Variants in GPHN observed in about 807,000 individuals in gnomAD.
GPHN encodes gephyrin.
In GPHN, 17 loss-of-function variants were observed where a neutral mutation model predicts 95.5. That is an observed-to-expected ratio of 0.18 (90% CI 0.12 to 0.27). The LOEUF (loss-of-function observed/expected upper bound fraction) is 0.27, where lower values mean the gene tolerates loss of function less well. GPHN is among the 10% of genes least tolerant of loss of function. GPHN has a pLI of 1.00. For synonymous variants in GPHN, 320 were observed against 322.5 expected (o/e 0.99, Z 0.08); for missense variants, 660 against 978.1 (o/e 0.67, Z 4.34).
the GPHN span, chr14:67,645,585 T>G: frequency 6.4e-7 from 1 of 1,568,230 alleles, no homozygotes; most frequent in Non-Finnish European, 8.7e-7. Flanking sequence ...TGAGGACGTT[T>G]GTTATCGGTC....
At chr14:67,682,730 A>C in the GPHN span, among the ~76,000 whole-genome samples, 1 of 152,220 alleles carries the variant, frequency 6.6e-6, no homozygotes, top group African/African-American at 2.4e-5. Flanking sequence ...TATAACCCAG[A>C]AATTCCACTT....
At chr14:66,617,622 G>A (rs953987293) in intron 1 of GPHN, among the ~76,000 whole-genome samples, 5 of 152,098 alleles carry the variant, frequency 3.3e-5, no homozygotes, top group Non-Finnish European at 2.9e-5. Context: ...TTCAATGGGA[G>A]CCTCCGAACA....
intron 4 of GPHN, among the ~76,000 whole-genome samples, chr14:66,830,622 T>C (rs2061548099): frequency 6.6e-6 from 1 of 151,868 alleles, no homozygotes; most frequent in Non-Finnish European, 1.5e-5. Context: ...TTTAAAAGAG[T>C]TCTTATAACT....
At chr14:67,691,162 C>T in the GPHN span, 1 of 1,613,480 alleles carries the variant, frequency 6.2e-7, no homozygotes, top group Non-Finnish European at 8.5e-7. Flanking sequence ...CTCCTATGTG[C>T]ATCTCAAAGC....
chr14:67,246,326 G>A, the GPHN span, among the ~76,000 whole-genome samples: 1 of 151,322 alleles, frequency 6.6e-6, no homozygotes, highest in South Asian at 2.1e-4. Flanking sequence ...TAAGGTCTTG[G>A]CTATGTTGCC....
At chr14:67,725,060 G>C in the GPHN span, 2 of 1,611,868 alleles carry the variant, frequency 1.2e-6, no homozygotes, top group African/African-American at 1.3e-5. Context: ...TTATAGCCTA[G>C]GATATGAACA....
At chr14:67,439,573 CTTTCTTTCTTTCTT>C in the GPHN span, among the ~76,000 whole-genome samples, 3 of 141,402 alleles carry the variant, frequency 2.1e-5, no homozygotes, top group Non-Finnish European at 4.5e-5. Context: ...TTCTTTCTTT[CTTTCTTTCTTTCTT>C]TCTTTCTTCT....
chr14:67,361,242 A>C, the GPHN span, among the ~76,000 whole-genome samples: 3 of 152,232 alleles, frequency 2.0e-5, no homozygotes, highest in Non-Finnish European at 4.4e-5. Context: ...GGTTTCTTCG[A>C]GAAAAAGTAT....
At chr14:66,640,874 T>G (rs547858226) in intron 1 of GPHN, among the ~76,000 whole-genome samples, 5 of 152,212 alleles carry the variant, frequency 3.3e-5, no homozygotes, top group Non-Finnish European at 7.3e-5. Flanking sequence ...GTAGTAAAGC[T>G]TATTCTTCCT....
chr14:67,323,738 T>G, the GPHN span: 1 of 1,601,718 alleles, frequency 6.2e-7, no homozygotes, highest in South Asian at 1.1e-5. Flanking sequence ...TTTGAAACCA[T>G]ATATTATCTT....
chr14:66,968,821 A>G (rs1453576072), intron 9 of GPHN, among the ~76,000 whole-genome samples: 1 of 151,384 alleles, frequency 6.6e-6, no homozygotes, highest in Non-Finnish European at 1.5e-5. Context: ...AGATCAGACA[A>G]CTAAAAATTA....
chr14:66,773,414 C>A (rs183910712), intron 2 of GPHN, among the ~76,000 whole-genome samples: 2 of 141,322 alleles, frequency 1.4e-5, no homozygotes, highest in East Asian at 2.1e-4. Context: ...GTTTCAATGG[C>A]GCAATCTCAG....
At chr14:67,676,059 C>A in the GPHN span, among the ~76,000 whole-genome samples, 5 of 152,086 alleles carry the variant, frequency 3.3e-5, no homozygotes, top group South Asian at 1.0e-3. Flanking sequence ...ATCGTGCCAC[C>A]ACACTCCAGC....
At chr14:67,691,612 T>G in the GPHN span, 1 of 173,422 alleles carries the variant, frequency 5.8e-6, no homozygotes, top group Non-Finnish European at 1.2e-5. Context: ...ACCTCTGCCC[T>G]GGGATTCAGG....
intron 12 of GPHN, among the ~76,000 whole-genome samples, chr14:67,097,709 G>T (rs1354382016): frequency 2.0e-5 from 3 of 152,056 alleles, no homozygotes; most frequent in Admixed American, 2.0e-4. Context: ...TTGCTTTGGA[G>T]TGGTTTTCTT....
At chr14:66,511,956 T>C (rs891248963) in intron 1 of GPHN, among the ~76,000 whole-genome samples, 4 of 151,998 alleles carry the variant, frequency 2.6e-5, no homozygotes, top group Admixed American at 1.3e-4. Context: ...TGTTCGAAAC[T>C]GTCTTATGTT....
At chr14:66,634,272 T>C (rs1265799829) in intron 1 of GPHN, among the ~76,000 whole-genome samples, 1 of 151,840 alleles carries the variant, frequency 6.6e-6, no homozygotes, top group Non-Finnish European at 1.5e-5. Context: ...AAAGACTTTT[T>C]CCTGTAGATG....
chr14:66,726,970 G>A lies in GPHN; in HGVS notation c.143+45785G>A, dbSNP rs114625164. 7.3e-3 allele frequency among the ~76,000 whole-genome samples: 1,112 copies of A among 152,156 alleles called. 6 individuals are homozygous for A. Among genetic ancestry groups the A allele is most frequent in the African/African-American group, 0.026 (1,063 of 41,512 alleles). On this transcript the variant is annotated intron_variant, in intron 2 of 22. Coordinates refer to ENST00000478722, the MANE Select transcript of GPHN (RefSeq NM_020806.5). Reference sequence around the variant, plus strand: ...TTAGACTTTAGTCTTATATGATTTGGCTGTGTCCCCCCTCAAATCTCATCT... The same window carrying A: ...TTAGACTTTAGTCTTATATGATTTGACTGTGTCCCCCCTCAAATCTCATCT...
In GPHN at chr14:67,181,280, T is replaced by G; in HGVS notation, c.*343T>G. The stretch of plus-strand genomic sequence containing the variant: ...TTCTCATCTTTAAAATACAACTACT[T>G]ATGCTCTTAAATCAAGGCTGTCTGC... On this transcript the variant is annotated 3_prime_UTR_variant, in exon 23 of 23. Transcript: ENST00000478722. The G allele has an allele frequency of 2.3e-6, 1 of 444,248 alleles. No individual in the cohort carries two copies. Among genetic ancestry groups the G allele is most frequent in the Non-Finnish European group, 4.2e-6 (1 of 238,514 alleles). 27.5% of individuals were successfully genotyped at this position (444,248 alleles called of 1,614,324 possible). A position where few individuals can be genotyped will look rare whatever the true frequency, so the allele number is the denominator to read the frequency against.
Sources: gnomAD v4.1 joint callset for allele counts (sites outside exome capture counted in the v4.1 genomes callset) on GRCh38, gnomAD v4.1.1 for gene constraint, MANE v1.5 for transcripts, NCBI Gene and HGNC (gene_info 2026-07-23, HGNC 2026-07-21) for gene names.